The following GALNTL5 variants were observed in gnomAD, a reference collection of about 807,000 sequenced individuals.
GALNTL5 encodes the protein inactive polypeptide N-acetylgalactosaminyltransferase-like protein 5.
A neutral mutation model predicts 51.0 loss-of-function variants in GALNTL5; 44 were observed. The observed-to-expected ratio is 0.86, with a 90% CI of 0.68 to 1.11. The LOEUF (loss-of-function observed/expected upper bound fraction) is 1.11, where lower values mean the gene tolerates loss of function less well. GALNTL5 is among the 50% of genes least tolerant of loss of function. GALNTL5 has a pLI of 0.00. For missense variants in GALNTL5, 528 were observed against 531.8 expected, an observed-to-expected ratio of 0.99 and a Z score of 0.07; for synonymous variants, 192 against 182.8, an observed-to-expected ratio of 1.05 and a Z score of -0.41.
Position 151,987,232 on chromosome 7 carries a change from G to A in GALNTL5, c.609G>A (p.Lys203=), listed in dbSNP as rs2081369846. The A allele has an allele frequency of 1.2e-6, 2 of 1,601,208 alleles. No homozygotes were observed. Among genetic ancestry groups the A allele is most frequent in the Non-Finnish European group, 1.7e-6 (2 of 1,175,974 alleles). ...RGKVKIIRNK[K]REGLIRARLI... The stretch of plus-strand genomic sequence containing the variant: ...AGGTTAAAATAATAAGAAACAAAAA[G>A]AGAGAGGGGCTGATTCGAGCAAGGC... The change falls in exon 5 of 9, where the codon AAG becomes AAA. Residue 203 remains lysine, a synonymous_variant. Coordinates refer to ENST00000392800, the MANE Select transcript of GALNTL5 (RefSeq NM_145292.4).
chr7:152,017,392 T>C (rs2081833146), intron 8 of GALNTL5, among the ~76,000 whole-genome samples: 3 of 152,198 alleles, frequency 2.0e-5, no homozygotes, highest in Admixed American at 6.5e-5. Flanking sequence ...ATTATGTACA[T>C]GGTCAGGCGT....
intron 2 of GALNTL5, among the ~76,000 whole-genome samples, chr7:151,969,510 A>G (rs2081101853): frequency 6.6e-6 from 1 of 152,180 alleles, no homozygotes; most frequent in Admixed American, 6.5e-5. Context: ...ACGCAGACAC[A>G]GCCAGCACAG....
intron 3 of GALNTL5, among the ~76,000 whole-genome samples, chr7:151,980,874 T>C (rs1046645511): frequency 6.9e-6 from 1 of 145,810 alleles, no homozygotes; most frequent in East Asian, 2.0e-4. Flanking sequence ...GCCTCCCAAG[T>C]AGCTGGGACT....
At chr7:152,000,778 A>T (rs111337405) in intron 5 of GALNTL5, among the ~76,000 whole-genome samples, 2,429 of 152,274 alleles carry the variant, frequency 0.016, 30 homozygotes, top group Non-Finnish European at 0.023. Context: ...TTTTATTACT[A>T]ACTTGTAAGA....
At chr7:152,002,252 C>G (rs548832585) in intron 5 of GALNTL5, among the ~76,000 whole-genome samples, 2 of 151,846 alleles carry the variant, frequency 1.3e-5, no homozygotes, top group Non-Finnish European at 1.5e-5. Flanking sequence ...TGCACTCCAG[C>G]CTGGGTGATA....
rs770179045 is a variant in GALNTL5 at position 151,967,337 on chromosome 7, C to A, written c.91C>A (p.His31Asn). The change falls in exon 2 of 9, where the codon CAT (histidine) becomes AAT (asparagine). Residue 31 changes from histidine to asparagine, a missense_variant. Physicochemically the swap from His to Asn is moderately conservative, Grantham distance 68. Transcript: ENST00000392800. ...ALLFIYLHHN[H>N]VSSWQKKSQE... Reference sequence around the variant, plus strand: ...GTTATTCATATATTTGCACCATAATCATGTGAGCAGCTGGCAGAAGAAAAG... The same window carrying A: ...GTTATTCATATATTTGCACCATAATAATGTGAGCAGCTGGCAGAAGAAAAG... 6.2e-7 allele frequency: 1 copy of A among 1,614,136 alleles called. No homozygotes were observed. Among genetic ancestry groups the A allele is most frequent in the South Asian group, 1.1e-5 (1 of 91,082 alleles).
At chr7:151,994,340 CT>C (rs1401924544) in intron 5 of GALNTL5, among the ~76,000 whole-genome samples, 1 of 152,170 alleles carries the variant, frequency 6.6e-6, no homozygotes, top group African/African-American at 2.4e-5. Context: ...GAGATGCAAA[CT>C]GTACCTACTG....
At chr7:151,984,250 C>T (rs987301537) in intron 4 of GALNTL5, 6 of 152,138 alleles carry the variant, frequency 3.9e-5, no homozygotes, top group African/African-American at 1.4e-4. Flanking sequence ...GTGATACTAG[C>T]ACTAGTTAAC....
chr7:151,966,797 TC>T (rs1228380211), intron 1 of GALNTL5, among the ~76,000 whole-genome samples: 1 of 152,226 alleles, frequency 6.6e-6, no homozygotes, highest in Non-Finnish European at 1.5e-5. Flanking sequence ...TACTCACTGC[TC>T]CCTTTATTTC....
intron 7 of GALNTL5, among the ~76,000 whole-genome samples, chr7:152,012,369 A>G (rs1292055409): frequency 6.6e-6 from 1 of 152,198 alleles, no homozygotes; most frequent in Admixed American, 6.5e-5. Flanking sequence ...GGCTATTACT[A>G]AAAAGTCAAA....
At chr7:151,981,211 T>C (rs986274172) in intron 3 of GALNTL5, among the ~76,000 whole-genome samples, 2 of 152,184 alleles carry the variant, frequency 1.3e-5, no homozygotes, top group Non-Finnish European at 2.9e-5. Flanking sequence ...TAAGAAATGC[T>C]GATGTCAATC....
intron 1 of GALNTL5, among the ~76,000 whole-genome samples, chr7:151,965,565 G>A (rs984128533): frequency 6.6e-6 from 1 of 152,070 alleles, no homozygotes. Flanking sequence ...TTTCTTCAGA[G>A]CTTAATTAAA....
At chr7:151,982,912 A>C in intron 3 of GALNTL5, 74 bp from the exon 4 acceptor site, 1 of 1,611,750 alleles carries the variant, frequency 6.2e-7, no homozygotes, top group East Asian at 2.2e-5. Flanking sequence ...AATAAGGAGA[A>C]GTGTTTGAAC....
chr7:151,963,172 A>C (rs890868365), intron 1 of GALNTL5, among the ~76,000 whole-genome samples: 10 of 152,198 alleles, frequency 6.6e-5, no homozygotes, highest in Non-Finnish European at 1.5e-4. Context: ...CATTCATTAT[A>C]TGGGGCATTC....
intron 7 of GALNTL5, among the ~76,000 whole-genome samples, chr7:152,011,318 C>T (rs1011632506): frequency 6.6e-6 from 1 of 152,270 alleles, no homozygotes; most frequent in Non-Finnish European, 1.5e-5. Flanking sequence ...TGGATGCCCA[C>T]AAAGCTACAG....
At chr7:151,993,012 C>T (rs1223905610) in intron 5 of GALNTL5, among the ~76,000 whole-genome samples, 4 of 152,140 alleles carry the variant, frequency 2.6e-5, no homozygotes, top group Middle Eastern at 3.4e-3. Flanking sequence ...CCGAGGCGGG[C>T]GGATCACCTG....
At chr7:151,984,400 A>T (rs185723086) in intron 4 of GALNTL5, among the ~76,000 whole-genome samples, 1 of 152,320 alleles carries the variant, frequency 6.6e-6, no homozygotes, top group African/African-American at 2.4e-5. Flanking sequence ...AATGTGACCC[A>T]CTATGAGCTC....
At chr7:151,966,393 G>A (rs964579203) in intron 1 of GALNTL5, among the ~76,000 whole-genome samples, 5 of 151,882 alleles carry the variant, frequency 3.3e-5, no homozygotes, top group African/African-American at 1.2e-4. Context: ...TCAGCCTCCT[G>A]AGTAGCTGGG....
At chr7:152,009,878 C>T (rs770397347) in intron 7 of GALNTL5, among the ~76,000 whole-genome samples, 1 of 152,146 alleles carries the variant, frequency 6.6e-6, no homozygotes, top group Non-Finnish European at 1.5e-5. Context: ...ACCTGTATCA[C>T]GATAATATCC....
Sources: allele counts gnomAD v4.1 joint callset (sites outside exome capture counted in the v4.1 genomes callset), GRCh38; gene constraint gnomAD v4.1.1; transcripts MANE v1.5; gene names NCBI Gene and HGNC (gene_info 2026-07-23, HGNC 2026-07-21).